The following TG variants were observed in gnomAD, a reference collection of about 807,000 sequenced individuals.
TG encodes thyroglobulin, also known as thyroid hormones.
Under a neutral mutation model 324.7 loss-of-function variants are expected in TG, and 270 were observed. The observed-to-expected ratio is 0.83, with a 90% CI of 0.75 to 0.92. TG has a LOEUF of 0.92. Among genes scored for constraint, TG ranks in the 40% least tolerant of loss-of-function variants. The pLI is 0.00. For missense variants in TG, 3,591 were observed against 3,456.4 expected (o/e 1.04, Z -0.98); for synonymous variants, 1,401 against 1,327.0 (o/e 1.06, Z -1.21).
At chr8:132,967,102 A>G (rs1828685955) in intron 30 of TG, among the ~76,000 whole-genome samples, 1 of 141,718 alleles carries the variant, frequency 7.1e-6, no homozygotes, top group Non-Finnish European at 1.5e-5. Flanking sequence ...CCATCCATCC[A>G]TCCATTCGAT....
intron 5 of TG, among the ~76,000 whole-genome samples, chr8:132,874,161 G>C (rs935598571): frequency 6.6e-6 from 1 of 152,124 alleles, no homozygotes; most frequent in African/African-American, 2.4e-5. Flanking sequence ...GACAGAGTGA[G>C]ACTCCATCTC....
At chr8:133,013,918 A>G (rs1365485608) in intron 37 of TG, among the ~76,000 whole-genome samples, 154 bp downstream of exon 37, 1 of 152,250 alleles carries the variant, frequency 6.6e-6, no homozygotes, top group African/African-American at 2.4e-5. Context: ...AGGAAGGTAG[A>G]AAAAATTCCT....
At chr8:133,111,207 A>G (rs1045145795) in intron 43 of TG, among the ~76,000 whole-genome samples, 14 of 152,070 alleles carry the variant, frequency 9.2e-5, no homozygotes, top group Admixed American at 3.9e-4. Flanking sequence ...TGCTTAAGTT[A>G]TAACTGGGGG....
At chr8:133,104,579 A>G (rs1564196066) in intron 43 of TG, among the ~76,000 whole-genome samples, 2 of 152,234 alleles carry the variant, frequency 1.3e-5, no homozygotes, top group Non-Finnish European at 2.9e-5. Flanking sequence ...GCTTTGGAAG[A>G]AAACCAAGAA....
intron 20 of TG, among the ~76,000 whole-genome samples, chr8:132,914,780 G>A (rs892767534): frequency 1.3e-5 from 2 of 152,144 alleles, no homozygotes; most frequent in African/African-American, 4.8e-5. Context: ...CCAAACCAAG[G>A]GGACAAGAAA....
At chr8:133,110,984 A>C (rs1010697507) in intron 43 of TG, among the ~76,000 whole-genome samples, 1 of 152,210 alleles carries the variant, frequency 6.6e-6, no homozygotes, top group African/African-American at 2.4e-5. Context: ...AATACACACA[A>C]TACATTCACA....
intron 6 of TG, 69 bp from the exon 7 acceptor site, chr8:132,882,400 T>C: frequency 6.3e-7 from 1 of 1,575,116 alleles, no homozygotes; most frequent in South Asian, 1.1e-5. Context: ...CAGTATCTGT[T>C]TGCACAACAA....
At chr8:132,892,242 A>G (rs1233063782) in intron 10 of TG, among the ~76,000 whole-genome samples, 1 of 152,124 alleles carries the variant, frequency 6.6e-6, no homozygotes, top group East Asian at 1.9e-4. Context: ...CCATCTATCC[A>G]TGCATCCATC....
At chr8:133,030,497 A>G (rs901687665) in intron 41 of TG, among the ~76,000 whole-genome samples, 1 of 152,202 alleles carries the variant, frequency 6.6e-6, no homozygotes, top group African/African-American at 2.4e-5. Flanking sequence ...TTATGATGGA[A>G]AAAATAACCT....
chr8:132,879,947 A>G (rs1022117153), intron 5 of TG, among the ~76,000 whole-genome samples: 1 of 152,202 alleles, frequency 6.6e-6, no homozygotes, highest in Non-Finnish European at 1.5e-5. Context: ...GAAGCATGGA[A>G]CTAGAGTGAT....
At chr8:133,043,607 G>A (rs1006233535) in intron 41 of TG, among the ~76,000 whole-genome samples, 5 of 152,196 alleles carry the variant, frequency 3.3e-5, no homozygotes, top group African/African-American at 1.2e-4. Flanking sequence ...GGGACCCCAA[G>A]TTCTGAGGGG....
intron 31 of TG, 112 bp from the exon 32 acceptor site, chr8:132,969,346 A>G: frequency 1.3e-6 from 1 of 784,416 alleles, no homozygotes; most frequent in Non-Finnish European, 2.2e-6. Context: ...TATGAATTTA[A>G]TATGTCATCT....
chr8:132,943,225 G>A (rs1211964549), intron 26 of TG, among the ~76,000 whole-genome samples: 1 of 152,112 alleles, frequency 6.6e-6, no homozygotes, highest in Non-Finnish European at 1.5e-5. Context: ...GGTAACAGGG[G>A]TGAATGGCTT....
At chr8:132,955,086 C>T (rs973589365) in intron 27 of TG, among the ~76,000 whole-genome samples, 1 of 152,164 alleles carries the variant, frequency 6.6e-6, no homozygotes, top group African/African-American at 2.4e-5. Flanking sequence ...ATATCAATGC[C>T]TCCAGGACCT....
chr8:133,049,275 G>A (rs1839996780), intron 41 of TG: 1 of 408,238 alleles, frequency 2.4e-6, no homozygotes, highest in East Asian at 7.3e-5. Flanking sequence ...TTCAAGGAAG[G>A]CACATAAGCA....
chr8:133,017,685 CT>C (rs757856429), intron 37 of TG, 92 bp from the exon 38 acceptor site: 1 of 1,255,906 alleles, frequency 8.0e-7, no homozygotes, highest in South Asian at 1.2e-5. Context: ...CGTGATTTTT[CT>C]TTTGTTGAAA....
chr8:133,093,690 C>T (rs1222760223), intron 41 of TG, among the ~76,000 whole-genome samples: 1 of 152,160 alleles, frequency 6.6e-6, no homozygotes, highest in African/African-American at 2.4e-5. Context: ...GCCACATGTC[C>T]CTTCTTGAGC....
chr8:132,894,681 G>A (rs1349836313), intron 11 of TG, among the ~76,000 whole-genome samples: 9 of 152,118 alleles, frequency 5.9e-5, no homozygotes, highest in African/African-American at 2.4e-5. Context: ...GGCTGGTCTC[G>A]AACCCGTGAC....
At chr8:132,899,517 G>A (rs2132273865) in intron 14 of TG, among the ~76,000 whole-genome samples, 1 of 152,358 alleles carries the variant, frequency 6.6e-6, no homozygotes, top group East Asian at 1.9e-4. Flanking sequence ...ATGAGAAGCA[G>A]ATGAAACAGC....
Sources: allele counts gnomAD v4.1 joint callset (sites outside exome capture counted in the v4.1 genomes callset), GRCh38; gene constraint gnomAD v4.1.1; transcripts MANE v1.5; gene names NCBI Gene and HGNC (gene_info 2026-07-23, HGNC 2026-07-21).